The following SPMIP6 variants were observed in gnomAD, a reference collection of about 807,000 sequenced individuals.
SPMIP6 encodes ciliated bronchial epithelial protein 1.
At chr9:34,397,556 C>T in the SPMIP6 span, 2 of 1,613,836 alleles carry the variant, frequency 1.2e-6, no homozygotes, top group Non-Finnish European at 1.7e-6. Flanking sequence ...TATAGACCTC[C>T]TTGATGGAGG....
At chr9:34,388,293 A>G in the SPMIP6 span, among the ~76,000 whole-genome samples, 1 of 147,326 alleles carries the variant, frequency 6.8e-6, no homozygotes, top group African/African-American at 2.5e-5. Context: ...GGCGCCTGCC[A>G]CCACTCCCAG....
chr9:34,384,214 A>G, the SPMIP6 span, among the ~76,000 whole-genome samples: 5 of 152,222 alleles, frequency 3.3e-5, no homozygotes, highest in African/African-American at 1.2e-4. Flanking sequence ...CATATGAAGA[A>G]GAGTGGAATT....
chr9:34,380,868 C>G, the SPMIP6 span: 1 of 1,538,100 alleles, frequency 6.5e-7, no homozygotes, highest in Non-Finnish European at 8.7e-7. Context: ...GGGGTGGAGC[C>G]CGGCTGAGGC....
At chr9:34,380,946 A>C in the SPMIP6 span, 70 of 1,603,172 alleles carry the variant, frequency 4.4e-5, no homozygotes, top group Non-Finnish European at 5.7e-5. Flanking sequence ...CGGTCGGTGC[A>C]GGGCGCCCCG....
At chr9:34,386,935 G>A in the SPMIP6 span, among the ~76,000 whole-genome samples, 1 of 152,230 alleles carries the variant, frequency 6.6e-6, no homozygotes, top group African/African-American at 2.4e-5. Flanking sequence ...GGTCACAGGG[G>A]TGGGACACCC....
chr9:34,381,590 G>A, the SPMIP6 span: 1 of 1,459,808 alleles, frequency 6.9e-7, no homozygotes, highest in Non-Finnish European at 9.1e-7. The surrounding 1 kb of genome is among the most constrained non-coding windows in gnomAD (Gnocchi z 4.4). Flanking sequence ...GCTCTGTGTT[G>A]GCGGCTGTCA....
chr9:34,379,284 C>T, the SPMIP6 span: 1 of 747,078 alleles, frequency 1.3e-6, no homozygotes, highest in Middle Eastern at 2.3e-4. This position sits in a 1 kb window ranked among gnomAD's most constrained non-coding sequence, Gnocchi z 4.2. Flanking sequence ...TTGTCTATAG[C>T]ACTGACCTTG....
the SPMIP6 span, chr9:34,397,703 C>T: frequency 6.7e-7 from 1 of 1,499,092 alleles, no homozygotes; most frequent in Non-Finnish European, 8.9e-7. Context: ...AGTGACCACC[C>T]TTCCCCTAGA....
chr9:34,380,896 C>A, the SPMIP6 span: 5 of 1,555,264 alleles, frequency 3.2e-6, no homozygotes, highest in South Asian at 2.4e-5. Context: ...GCCCTGCGAA[C>A]CTTACAGTCG....
the SPMIP6 span, chr9:34,397,618 G>A: frequency 1.8e-4 from 297 of 1,606,704 alleles, 1 homozygote; most frequent in African/African-American, 3.3e-3. Flanking sequence ...CTGGTCTTAC[G>A]GGAGAACAGG....
the SPMIP6 span, chr9:34,382,809 G>GCTTA: frequency 6.2e-7 from 1 of 1,614,162 alleles, no homozygotes; most frequent in Non-Finnish European, 8.5e-7. Flanking sequence ...GCTGTTGTAA[G>GCTTA]GTTCCATCCT....
chr9:34,388,504 C>T, the SPMIP6 span, among the ~76,000 whole-genome samples: 5 of 152,072 alleles, frequency 3.3e-5, no homozygotes, highest in African/African-American at 1.2e-4. Context: ...TTGGCCCTGT[C>T]CCATCCTCAG....
At chr9:34,396,548 C>T in the SPMIP6 span, among the ~76,000 whole-genome samples, 6 of 152,182 alleles carry the variant, frequency 3.9e-5, no homozygotes, top group African/African-American at 1.4e-4. Context: ...GTCCACGCTC[C>T]ACAACATAGC....
At chr9:34,387,611 A>C in the SPMIP6 span, among the ~76,000 whole-genome samples, 1 of 152,262 alleles carries the variant, frequency 6.6e-6, no homozygotes, top group Admixed American at 6.5e-5. Flanking sequence ...TACACACTAA[A>C]CACAGATACA....
chr9:34,379,069 C>T, the SPMIP6 span: 1 of 1,551,436 alleles, frequency 6.4e-7, no homozygotes, highest in Non-Finnish European at 8.9e-7. This position sits in a 1 kb window ranked among gnomAD's most constrained non-coding sequence, Gnocchi z 4.2. Flanking sequence ...CACAGCAAGC[C>T]CAGGCTCTAC....
the SPMIP6 span, among the ~76,000 whole-genome samples, chr9:34,385,997 A>AGGT: frequency 6.6e-6 from 1 of 152,192 alleles, no homozygotes; most frequent in African/African-American, 2.4e-5. Context: ...ATCCAAGGCT[A>AGGT]GGGCTTGGGG....
the SPMIP6 span, chr9:34,379,698 G>T: frequency 6.2e-7 from 1 of 1,614,130 alleles, no homozygotes; most frequent in African/African-American, 1.3e-5. The surrounding 1 kb of genome is among the most constrained non-coding windows in gnomAD (Gnocchi z 4.2). Context: ...ACAGCACACT[G>T]CATTCCGGGC....
At chr9:34,388,540 T>C in the SPMIP6 span, among the ~76,000 whole-genome samples, 1 of 152,204 alleles carries the variant, frequency 6.6e-6, no homozygotes, top group African/African-American at 2.4e-5. Context: ...GGATTACCAG[T>C]TCCTGAGCCT....
At chr9:34,389,533 C>A in the SPMIP6 span, among the ~76,000 whole-genome samples, 1 of 152,142 alleles carries the variant, frequency 6.6e-6, no homozygotes, top group Non-Finnish European at 1.5e-5. Context: ...GCACACACTA[C>A]CATGCCCTGC....
Sources: allele counts gnomAD v4.1 joint callset (sites outside exome capture counted in the v4.1 genomes callset), GRCh38; gene constraint gnomAD v4.1.1; non-coding constraint Gnocchi (gnomAD v3.1); transcripts MANE v1.5; gene names NCBI Gene and HGNC (gene_info 2026-07-23, HGNC 2026-07-21).